Variants in VCL observed in about 807,000 individuals in gnomAD.
VCL encodes the protein vinculin, also known as epididymis luminal protein 114.
In VCL, 47 loss-of-function variants were observed where a neutral mutation model predicts 125.7. The observed-to-expected ratio is 0.37, with a 90% CI of 0.30 to 0.48. The LOEUF (loss-of-function observed/expected upper bound fraction) is 0.48. VCL is among the 20% of genes least tolerant of loss of function. The pLI is 0.99. For synonymous variants in VCL, 458 were observed against 514.6 expected, an observed-to-expected ratio of 0.89 and a Z score of 1.49; for missense variants, 1,069 against 1,455.5, an observed-to-expected ratio of 0.73 and a Z score of 4.32.
chr10:74,083,989 C>A (rs2136281251), intron 8 of VCL, among the ~76,000 whole-genome samples: 1 of 152,306 alleles, frequency 6.6e-6, no homozygotes, highest in Non-Finnish European at 1.5e-5. Context: ...GCCTCAACCT[C>A]CCGAGTAGCT....
chr10:74,024,671 A>G (rs1300231340), intron 1 of VCL, among the ~76,000 whole-genome samples: 1 of 152,108 alleles, frequency 6.6e-6, no homozygotes. Context: ...TCACACCTGT[A>G]ATTTAAAAAA....
chr10:74,018,181 TATATATATATATATATATATAAATAC>T (rs1565634795), intron 1 of VCL, among the ~76,000 whole-genome samples: 3 of 131,870 alleles, frequency 2.3e-5, no homozygotes, highest in South Asian at 4.4e-4. Context: ...ATATAGGATA[TATATATATATATATATATATAAATAC>T]ATATATATAT....
Position 74,111,909 on chromosome 10 carries a change from C to T in VCL, c.2746C>T (p.Pro916Ser), listed in dbSNP as rs776188207. The change falls in exon 19 of 22, where the codon CCG becomes TCG. Residue 916 changes from proline to serine, a missense_variant and splice_region_variant. Transcript: ENST00000211998. ...CTCATCCTTCCCGCCATCGACAAAG[C>T]CGGGCATCCCAGCCGCTGAGGTGGG... Reference protein sequence around the residue: ...HDEARKWSSKPGIPAAEVGIG... With the variant: ...HDEARKWSSKSGIPAAEVGIG... 5 of 1,614,250 alleles carry T rather than the reference C, an allele frequency of 3.1e-6. No homozygotes were observed. In the Admixed American group the frequency reaches 6.7e-5, roughly 22 times the overall value.
intron 2 of VCL, among the ~76,000 whole-genome samples, chr10:74,054,646 C>T (rs924068105): frequency 6.6e-6 from 1 of 152,074 alleles, no homozygotes; most frequent in Non-Finnish European, 1.5e-5. Flanking sequence ...TTAGGCTGGG[C>T]GTGGTGGCTC....
At chr10:74,112,154 TC>T (rs1449650650) in intron 19 of VCL, 42 bp downstream of exon 19, 1 of 1,610,978 alleles carries the variant, frequency 6.2e-7, no homozygotes. Flanking sequence ...TCCATATGCA[TC>T]CGGCCATGTG....
At chr10:74,017,681 TAGCTGGGACTACTACAGGTGCATGCCA>T (rs1840576888) in intron 1 of VCL, among the ~76,000 whole-genome samples, 1 of 151,770 alleles carries the variant, frequency 6.6e-6, no homozygotes, top group Admixed American at 6.6e-5. Context: ...GCCTCCCAAG[TAGCTGGGACTACTACAGGTGCATGCCA>T]CCATGTCTGG....
At chr10:74,101,175 A>T in intron 14 of VCL, 78 bp downstream of exon 14, 1 of 1,547,604 alleles carries the variant, frequency 6.5e-7, no homozygotes, top group Non-Finnish European at 8.8e-7. Context: ...ATTTTTGAAT[A>T]CTTACCGTAA....
intron 2 of VCL, among the ~76,000 whole-genome samples, chr10:74,059,386 C>A (rs1841439127): frequency 6.6e-6 from 1 of 151,342 alleles, no homozygotes; most frequent in South Asian, 2.1e-4. Flanking sequence ...AAGAAAAAAT[C>A]TCCTCCTGCT....
At chr10:74,104,874 TG>T (rs1238360283) in intron 15 of VCL, 176 bp from the exon 16 acceptor site, 1 of 741,414 alleles carries the variant, frequency 1.3e-6, no homozygotes, top group East Asian at 2.7e-5. Flanking sequence ...ATGTCCTCAC[TG>T]TTTTTTTTAA....
At chr10:74,026,148 G>A (rs1212116740) in intron 1 of VCL, among the ~76,000 whole-genome samples, 1 of 152,192 alleles carries the variant, frequency 6.6e-6, no homozygotes, top group African/African-American at 2.4e-5. Context: ...AAAAAGAAAA[G>A]GGAAGATGGA....
chr10:74,009,128 G>A (rs567755016), intron 1 of VCL, among the ~76,000 whole-genome samples: 2 of 144,006 alleles, frequency 1.4e-5, no homozygotes, highest in South Asian at 4.3e-4. Flanking sequence ...CCTTGGATCT[G>A]TAGAAGTCTT....
intron 18 of VCL, among the ~76,000 whole-genome samples, chr10:74,109,737 T>A (rs925235474): frequency 6.6e-6 from 1 of 152,208 alleles, no homozygotes; most frequent in African/African-American, 2.4e-5. Flanking sequence ...AAAATATGGA[T>A]GCTACAGCAG....
intron 2 of VCL, among the ~76,000 whole-genome samples, chr10:74,052,382 T>G (rs533306658): frequency 6.7e-6 from 1 of 148,828 alleles, no homozygotes; most frequent in South Asian, 2.1e-4. Context: ...TAGTTTTTTT[T>G]TTTTTTTTTT....
At chr10:74,103,738 T>C (rs1225446675) in intron 14 of VCL, 82 bp from the exon 15 acceptor site, 2 of 1,311,242 alleles carry the variant, frequency 1.5e-6, no homozygotes, top group Non-Finnish European at 1.1e-6. Flanking sequence ...CATCTGTAGG[T>C]AAAGAGGAGA....
chr10:74,061,031 A>T (rs1841471743), intron 2 of VCL, among the ~76,000 whole-genome samples: 1 of 152,138 alleles, frequency 6.6e-6, no homozygotes, highest in Non-Finnish European at 1.5e-5. Flanking sequence ...TAGTTGATTG[A>T]TTTAAATTAT....
In VCL at chr10:74,112,052, C is replaced by T; in HGVS notation, c.2889C>T (p.Asn963=). The T allele has an allele frequency of 6.2e-7, 1 of 1,614,208 alleles. No homozygotes were observed. The change falls in exon 19 of 22, where the codon AAC becomes AAT. Residue 963 remains asparagine (N), a synonymous_variant. Transcript: ENST00000211998. ...TAATGCCATCCAATCAGCCGGTCAA[C>T]CAGCCCATTCTGGCCGCGGCTCAGT... ...LLLMPSNQPV[N]QPILAAAQSL...
At position 73,998,155 on chromosome 10, in the gene VCL, C is replaced by A; in HGVS notation, c.-53C>A. On this transcript the variant is annotated 5_prime_UTR_variant, in exon 1 of 22. Transcript: ENST00000211998. ...CTGTCTCTTCGCCGGTTCCCGGCCC[C>A]GTGGATCCTACTTCTCTGTCGCCCG... 1 of 1,593,006 alleles carries A rather than the reference C, an allele frequency of 6.3e-7. No homozygotes were observed. Among genetic ancestry groups the A allele is most frequent in the Non-Finnish European group, 8.5e-7 (1 of 1,170,042 alleles).
intron 10 of VCL, among the ~76,000 whole-genome samples, chr10:74,090,399 G>A (rs1211227692): frequency 1.3e-5 from 2 of 152,060 alleles, no homozygotes; most frequent in South Asian, 2.1e-4. Flanking sequence ...ATGTAACTGA[G>A]GTTTAATGAT....
chr10:74,105,411 C>T (rs556092084), intron 16 of VCL, 58 bp downstream of exon 16: 28 of 1,605,154 alleles, frequency 1.7e-5, no homozygotes, highest in South Asian at 2.2e-5. Context: ...CAGGAAAGGT[C>T]GTGAGGGAAT....
Sources: gnomAD v4.1 joint callset for allele counts (sites outside exome capture counted in the v4.1 genomes callset) on GRCh38, gnomAD v4.1.1 for gene constraint, MANE v1.5 for transcripts, NCBI Gene and HGNC (gene_info 2026-07-23, HGNC 2026-07-21) for gene names.